Variants in PPP4R2 observed in about 807,000 individuals in gnomAD.
PPP4R2 encodes serine/threonine-protein phosphatase 4 regulatory subunit 2.
Under a neutral mutation model 47.2 loss-of-function variants are expected in PPP4R2, and 13 were observed. That is an observed-to-expected ratio of 0.28 (90% CI 0.18 to 0.44). PPP4R2 has a LOEUF of 0.44. PPP4R2 is among the 20% of genes least tolerant of loss of function. The pLI, the probability that PPP4R2 is intolerant of heterozygous loss-of-function variation, is 1.00. For missense variants in PPP4R2, 421 were observed against 491.2 expected (o/e 0.86, Z 1.35); for synonymous variants, 151 against 163.3 (o/e 0.92, Z 0.57).
At chr3:73,055,417 C>CATGTGT (rs1490495308) in intron 3 of PPP4R2, among the ~76,000 whole-genome samples, 1 of 137,346 alleles carries the variant, frequency 7.3e-6, no homozygotes, top group Admixed American at 7.4e-5. Flanking sequence ...AGTGGGGTAG[C>CATGTGT]GTGTGTGTGT....
At chr3:73,064,817 A>G (rs1321488990) in intron 7 of PPP4R2, 35 bp from the exon 8 acceptor site, 2 of 1,524,188 alleles carry the variant, frequency 1.3e-6, no homozygotes, top group Non-Finnish European at 1.8e-6. Context: ...GGGGAAAATA[A>G]TCTTATTAAT....
At chr3:73,036,807 A>T (rs1400688844) in intron 2 of PPP4R2, among the ~76,000 whole-genome samples, 2 of 152,238 alleles carry the variant, frequency 1.3e-5, no homozygotes, top group Admixed American at 6.5e-5. Flanking sequence ...GTAGCAGTGA[A>T]AGTAATCTGT....
intron 2 of PPP4R2, among the ~76,000 whole-genome samples, chr3:73,004,729 T>G (rs1701558161): frequency 6.6e-6 from 1 of 152,092 alleles, no homozygotes; most frequent in Non-Finnish European, 1.5e-5. Flanking sequence ...ATTACAGAGG[T>G]GTCACCATGC....
chr3:73,008,684 A>G (rs1450357412), intron 2 of PPP4R2, among the ~76,000 whole-genome samples: 3 of 152,148 alleles, frequency 2.0e-5, no homozygotes, highest in South Asian at 4.1e-4. Flanking sequence ...AGTTGTTTCA[A>G]CTGTTGTGAG....
chr3:73,033,026 C>T (rs992622152), intron 2 of PPP4R2, among the ~76,000 whole-genome samples: 7 of 152,262 alleles, frequency 4.6e-5, no homozygotes, highest in Non-Finnish European at 8.8e-5. Flanking sequence ...TACCATCTTA[C>T]GGTGGGAGAC....
Position 72,996,834 on chromosome 3 carries a change from G to A in PPP4R2, c.-204G>A. 1 of 397,714 alleles carries A rather than the reference G, an allele frequency of 2.5e-6. No homozygotes were observed. The highest frequency in any genetic ancestry group is 3.6e-5 in the East Asian group (1 of 27,526). The allele number at this position is 397,714 out of a possible 1,614,324, so 24.6% of individuals were successfully genotyped here. A position where few individuals can be genotyped will look rare whatever the true frequency, so the allele number is the denominator to read the frequency against. ...CCGGGCGCCATGTTGGAGGGTTGGT[G>A]GTAGCGGCTTGGGGAGGTGCTCGCT... is the stretch of plus-strand genomic sequence containing the variant. On this transcript the variant is annotated 5_prime_UTR_variant, in exon 1 of 9. An upstream open reading frame in the 5' UTR gains an earlier in-frame stop. Coordinates refer to ENST00000356692, the MANE Select transcript of PPP4R2 (RefSeq NM_174907.4).
chr3:73,058,910 T>C, intron 3 of PPP4R2, 127 bp from the exon 4 acceptor site: 1 of 556,574 alleles, frequency 1.8e-6, no homozygotes, highest in Non-Finnish European at 3.1e-6. Flanking sequence ...ATTTCCCTAT[T>C]ATAGCATTTT....
At chr3:73,012,994 C>T (rs766801602) in intron 2 of PPP4R2, among the ~76,000 whole-genome samples, 1 of 149,606 alleles carries the variant, frequency 6.7e-6, no homozygotes. Flanking sequence ...CAAGACAAGT[C>T]GTGTTTCTTT....
At chr3:73,062,926 C>A (rs1265073803) in intron 5 of PPP4R2, 1 of 1,581,008 alleles carries the variant, frequency 6.3e-7, no homozygotes, top group African/African-American at 1.4e-5. Context: ...AGATGACAAC[C>A]TATTAATGCT....
At chr3:73,046,463 A>C (rs749667569) in intron 2 of PPP4R2, among the ~76,000 whole-genome samples, 1 of 152,224 alleles carries the variant, frequency 6.6e-6, no homozygotes, top group Non-Finnish European at 1.5e-5. Flanking sequence ...AATTTACACT[A>C]TTCAGGCAGG....
intron 3 of PPP4R2, among the ~76,000 whole-genome samples, chr3:73,052,180 A>T (rs1031480775): frequency 6.6e-6 from 1 of 150,836 alleles, no homozygotes; most frequent in Non-Finnish European, 1.5e-5. Context: ...ATAAAAGTAT[A>T]TTTATATCTA....
At chr3:73,015,226 G>C (rs749295) in intron 2 of PPP4R2, among the ~76,000 whole-genome samples, 80,143 of 151,778 alleles carry the variant, frequency 0.53, 21,528 homozygotes, top group African/African-American at 0.62. Context: ...GTTGCCCAGG[G>C]TGGAGTGCAG....
At chr3:73,062,934 G>T in intron 5 of PPP4R2, 2 of 1,572,562 alleles carry the variant, frequency 1.3e-6, no homozygotes, top group Non-Finnish European at 1.7e-6. Context: ...ACCTATTAAT[G>T]CTGTGAGAAT....
chr3:73,009,722 A>T (rs1701684174), intron 2 of PPP4R2, among the ~76,000 whole-genome samples: 1 of 152,212 alleles, frequency 6.6e-6, no homozygotes, highest in South Asian at 2.1e-4. Context: ...GAAGTTTGTT[A>T]TTCAGGATCC....
At chr3:73,051,670 GGCTGGAGTGCAATGGCT>G (rs1702615659) in intron 3 of PPP4R2, among the ~76,000 whole-genome samples, 1 of 152,160 alleles carries the variant, frequency 6.6e-6, no homozygotes, top group Non-Finnish European at 1.5e-5. Flanking sequence ...TCTTTGCCCA[GGCTGGAGTGCAATGGCT>G]CAATCTCAGC....
At position 73,064,061 on chromosome 3, in the gene PPP4R2, T is replaced by G; in HGVS notation, c.553T>G (p.Ser185Ala). 6.2e-7 allele frequency: 1 copy of G among 1,613,450 alleles called. No individual in the cohort carries two copies. Residue 185 changes from serine to alanine, a missense_variant, in exon 7 of 9, where the codon TCA (serine) becomes GCA (alanine). Coordinates refer to ENST00000356692, the MANE Select transcript of PPP4R2 (RefSeq NM_174907.4). ...ACTTAATCGACCAAAGGTTTCTTTG[T>G]CAGCCCCCATGACAACAAATGGGTT... ...RPLNRPKVSL[S>A]APMTTNGLPE... is the part of the protein sequence containing the mutation.
In PPP4R2 at chr3:73,067,333, GC is replaced by G. The variant is rs1703018579; in HGVS notation, c.*1612del. Reference sequence around the variant, plus strand: ...AATATGCTTTTGGGTGATTTGGGGGGCAACCACAAGTTTTGCGTTTTGACTA... The same window carrying G: ...AATATGCTTTTGGGTGATTTGGGGGGAACCACAAGTTTTGCGTTTTGACTA... On this transcript the variant is annotated 3_prime_UTR_variant, in exon 9 of 9. Transcript: ENST00000356692. 6.6e-6 allele frequency: 1 copy of G among 152,014 alleles called. No homozygotes were observed. Among genetic ancestry groups the G allele is most frequent in the African/African-American group, 2.4e-5 (1 of 41,396 alleles). The allele number at this position is 152,014 out of a possible 1,614,324, so 9.4% of individuals were successfully genotyped here. A position where few individuals can be genotyped will look rare whatever the true frequency, so the allele number is the denominator to read the frequency against.
Position 72,997,065 on chromosome 3 carries a change from C to T in PPP4R2, c.28C>T (p.Leu10=). 2 of 1,407,062 alleles carry T rather than the reference C, an allele frequency of 1.4e-6. No individual in the cohort carries two copies. Among genetic ancestry groups the T allele is most frequent in the South Asian group, 3.1e-5 (2 of 65,060 alleles). 87.2% of individuals were successfully genotyped at this position (1,407,062 alleles called of 1,614,324 possible). MDVERLQEA[L]KDFEKRGKKE... ...GGACGTCGAGAGGCTCCAGGAGGCGCTGAAAGGTGGGGGTAGCTGCCCCCT... is the reference window on the plus strand; with the variant it reads ...GGACGTCGAGAGGCTCCAGGAGGCGTTGAAAGGTGGGGGTAGCTGCCCCCT... Residue 10 remains leucine (L), a synonymous_variant, in exon 1 of 9, where the codon CTG becomes TTG. Coordinates refer to ENST00000356692, the MANE Select transcript of PPP4R2 (RefSeq NM_174907.4).
At chr3:73,036,788 T>C (rs539868417) in intron 2 of PPP4R2, among the ~76,000 whole-genome samples, 1 of 152,346 alleles carries the variant, frequency 6.6e-6, no homozygotes, top group South Asian at 2.1e-4. Flanking sequence ...CTCTGGGATA[T>C]ACTTTAAAGT....
Sources: allele counts gnomAD v4.1 joint callset (sites outside exome capture counted in the v4.1 genomes callset), GRCh38; gene constraint gnomAD v4.1.1; transcripts MANE v1.5; gene names NCBI Gene and HGNC (gene_info 2026-07-23, HGNC 2026-07-21).